The following NRP2 variants were observed in gnomAD, a reference collection of about 807,000 sequenced individuals.
NRP2 encodes neuropilin-2.
A neutral mutation model predicts 110.4 loss-of-function variants in NRP2; 52 were observed. That is an observed-to-expected ratio of 0.47 (90% CI 0.38 to 0.59). The LOEUF (loss-of-function observed/expected upper bound fraction) is 0.59, where lower values mean the gene tolerates loss of function less well. NRP2 is among the 20% of genes least tolerant of loss of function. The pLI is 0.00. For synonymous variants in NRP2, 508 were observed against 468.9 expected, an observed-to-expected ratio of 1.08 and a Z score of -1.08; for missense variants, 1,049 against 1,203.0, an observed-to-expected ratio of 0.87 and a Z score of 1.89.
intron 10 of NRP2, among the ~76,000 whole-genome samples, chr2:205,747,756 G>T (rs990640278): frequency 6.6e-6 from 1 of 151,954 alleles, no homozygotes; most frequent in African/African-American, 2.4e-5. Context: ...CCCATCCCTT[G>T]CCCTTCAGTG....
intron 2 of NRP2, among the ~76,000 whole-genome samples, chr2:205,712,879 G>A (rs1022136956): frequency 6.6e-6 from 1 of 152,274 alleles, no homozygotes; most frequent in African/African-American, 2.4e-5. Context: ...GTTCAAGTAA[G>A]GTTTGTTGAT....
intron 7 of NRP2, among the ~76,000 whole-genome samples, chr2:205,730,827 G>A (rs1272866039): frequency 1.3e-5 from 2 of 152,202 alleles, no homozygotes; most frequent in Non-Finnish European, 2.9e-5. Flanking sequence ...ACCCAGACGG[G>A]GCTGAGGCAA....
rs539065240 is a variant in NRP2, at chr2:205,782,861, T to C, written c.2426-9374T>C. Among the ~76,000 whole-genome samples, 568 of 152,348 alleles carry C rather than the reference T, an allele frequency of 3.7e-3. 4 individuals carry two copies. The highest frequency in any genetic ancestry group is 0.013 in the African/African-American group (531 of 41,580). On this transcript the variant is annotated intron_variant, in intron 15 of 16. Transcript: ENST00000357785. ...AGTGTTCAGACTGTGTCTAGTTTTTTTTTTTTTTACTATTATAAACAATAC... is the reference window on the plus strand; with the variant it reads ...AGTGTTCAGACTGTGTCTAGTTTTTCTTTTTTTTACTATTATAAACAATAC...
At chr2:205,785,277 A>C (rs1409759333) in intron 15 of NRP2, among the ~76,000 whole-genome samples, 1 of 152,226 alleles carries the variant, frequency 6.6e-6, no homozygotes, top group Non-Finnish European at 1.5e-5. Context: ...TGATGTTTCT[A>C]ACATCCACAC....
intron 7 of NRP2, among the ~76,000 whole-genome samples, chr2:205,728,971 C>T (rs115930165): frequency 0.014 from 2,118 of 152,290 alleles, 31 homozygotes; most frequent in Non-Finnish European, 0.024. Flanking sequence ...AAGAGGGTCT[C>T]TCCTGTAGCA....
intron 14 of NRP2, 187 bp downstream of exon 14, chr2:205,765,757 G>A: frequency 1.4e-6 from 1 of 733,640 alleles, no homozygotes; most frequent in Non-Finnish European, 2.5e-6. Context: ...GAAGGGGTGT[G>A]AGGTAAGGGG....
Position 205,712,900 on chromosome 2 carries a change from A to G in NRP2, c.252-3293A>G, listed in dbSNP as rs1354578250. The stretch of plus-strand genomic sequence containing the variant: ...GTAAGGTTTGTTGATTATTTGCTTC[A>G]CAAAAGGATTCAGCAGAGGGGTCCT... On this transcript the variant is annotated intron_variant, in intron 2 of 16. Coordinates refer to ENST00000357785, the MANE Select transcript of NRP2 (RefSeq NM_003872.3). Among the ~76,000 whole-genome samples the G allele has an allele frequency of 2.0e-5, 3 of 152,248 alleles. No homozygotes were observed. In the East Asian group the frequency reaches 5.8e-4, roughly 29 times the overall value.
intron 15 of NRP2, chr2:205,778,587 T>A (rs771861029): frequency 6.6e-6 from 1 of 152,200 alleles, no homozygotes; most frequent in East Asian, 1.9e-4. Flanking sequence ...AGTCATGCAT[T>A]TGGGGCCAGG....
chr2:205,733,276 A>G (rs1467572584), intron 7 of NRP2, among the ~76,000 whole-genome samples: 1 of 152,194 alleles, frequency 6.6e-6, no homozygotes, highest in African/African-American at 2.4e-5. Context: ...TGTCTCCAGT[A>G]GCTGAGGCGC....
chr2:205,683,657 C>A (rs2056072466), intron 1 of NRP2, among the ~76,000 whole-genome samples: 1 of 152,090 alleles, frequency 6.6e-6, no homozygotes, highest in South Asian at 2.1e-4. Flanking sequence ...TTTAAAAATA[C>A]TACAAAGCCT....
At chr2:205,753,932 T>C (rs1167265245) in intron 12 of NRP2, among the ~76,000 whole-genome samples, 4 of 152,216 alleles carry the variant, frequency 2.6e-5, no homozygotes, top group African/African-American at 9.6e-5. Context: ...TTAAGATAAC[T>C]AGCAAGTGTT....
intron 15 of NRP2, among the ~76,000 whole-genome samples, chr2:205,784,542 C>T (rs2058214644): frequency 6.6e-6 from 1 of 152,130 alleles, no homozygotes. Context: ...GCCTCATTCG[C>T]CTTGGCCAAC....
chr2:205,729,212 A>T (rs908252272), intron 7 of NRP2, among the ~76,000 whole-genome samples: 12 of 152,230 alleles, frequency 7.9e-5, no homozygotes, highest in Non-Finnish European at 1.6e-4. Flanking sequence ...GTAGATTTTT[A>T]AAAAATCAAA....
chr2:205,710,695 C>A (rs144053464), intron 2 of NRP2, among the ~76,000 whole-genome samples: 2 of 152,144 alleles, frequency 1.3e-5, no homozygotes, highest in Non-Finnish European at 2.9e-5. Flanking sequence ...TTTTAGACAT[C>A]GTGCAGCTTC....
intron 15 of NRP2, 112 bp downstream of exon 15, chr2:205,766,915 G>A: frequency 5.2e-6 from 5 of 961,862 alleles, no homozygotes; most frequent in Non-Finnish European, 8.2e-6. Context: ...AATCTCGCAA[G>A]AGAAAAGAGA....
intron 3 of NRP2, chr2:205,722,148 C>A: frequency 1.1e-5 from 3 of 280,464 alleles, no homozygotes; most frequent in African/African-American, 2.7e-5. Context: ...GAGAATCCCT[C>A]TCTCTCTCTC....
At chr2:205,766,697 A>G (rs1265564941) in intron 14 of NRP2, 86 bp from the exon 15 acceptor site, 1 of 1,221,970 alleles carries the variant, frequency 8.2e-7, no homozygotes, top group Non-Finnish European at 1.2e-6. Context: ...CATGTTTATC[A>G]TCATATTCAT....
chr2:205,756,011 CT>C (rs1026592096), intron 12 of NRP2, among the ~76,000 whole-genome samples: 3 of 151,632 alleles, frequency 2.0e-5, no homozygotes, highest in Non-Finnish European at 2.9e-5. Context: ...TATTTTCTTT[CT>C]TTTTTTTTCC....
intron 5 of NRP2, among the ~76,000 whole-genome samples, chr2:205,724,611 T>C (rs532301565): frequency 2.6e-5 from 4 of 152,012 alleles, no homozygotes; most frequent in African/African-American, 9.6e-5. Context: ...TGGACATGTG[T>C]TTCAAATATG....
Sources: allele counts gnomAD v4.1 joint callset (sites outside exome capture counted in the v4.1 genomes callset), GRCh38; gene constraint gnomAD v4.1.1; transcripts MANE v1.5; gene names NCBI Gene and HGNC (gene_info 2026-07-23, HGNC 2026-07-21).